The following CNTNAP3B variants were observed in gnomAD, a reference collection of about 807,000 sequenced individuals.
CNTNAP3B encodes contactin associated protein family member 3B, also known as contactin-associated protein-like 3B.
A neutral mutation model predicts 108.9 loss-of-function variants in CNTNAP3B; 25 were observed. The observed-to-expected ratio is 0.23, with a 90% CI of 0.17 to 0.32. CNTNAP3B has a LOEUF of 0.32. CNTNAP3B is among the 10% of genes least tolerant of loss of function. CNTNAP3B has a pLI of 1.00. For missense variants in CNTNAP3B, 252 were observed against 1,210.4 expected, an observed-to-expected ratio of 0.21 and a Z score of 11.75; for synonymous variants, 103 against 473.4, an observed-to-expected ratio of 0.22 and a Z score of 10.16.
chr9:41,931,676 G>C (rs1823981547), intron 14 of CNTNAP3B, among the ~76,000 whole-genome samples: 1 of 150,478 alleles, frequency 6.6e-6, no homozygotes. Context: ...TCACCATTCA[G>C]CTTTAGAGTG....
chr9:42,016,926 T>TAA (rs1826226797), intron 3 of CNTNAP3B, among the ~76,000 whole-genome samples: 1 of 151,726 alleles, frequency 6.6e-6, no homozygotes, highest in African/African-American at 2.4e-5. Context: ...TGTGTGTGTG[T>TAA]GGTGTGTTCA....
intron 13 of CNTNAP3B, among the ~76,000 whole-genome samples, chr9:41,941,440 C>G (rs1381082835): frequency 6.6e-6 from 1 of 151,110 alleles, no homozygotes. Context: ...AATACTAGAA[C>G]AGGGACATTA....
chr9:41,963,135 C>T (rs2118221766), intron 11 of CNTNAP3B, among the ~76,000 whole-genome samples: 1 of 152,408 alleles, frequency 6.6e-6, no homozygotes, highest in South Asian at 2.1e-4. Flanking sequence ...ATTCTCATTG[C>T]ATGTATGAAG....
At chr9:41,947,500 G>C (rs1450484060) in intron 13 of CNTNAP3B, among the ~76,000 whole-genome samples, 1 of 152,178 alleles carries the variant, frequency 6.6e-6, no homozygotes, top group East Asian at 1.9e-4. Context: ...AAATGAAAAT[G>C]AGAATACAAC....
chr9:41,965,132 C>G, intron 10 of CNTNAP3B, among the ~76,000 whole-genome samples: 1 of 152,286 alleles, frequency 6.6e-6, no homozygotes, highest in East Asian at 1.9e-4. Flanking sequence ...TTTAGATTTG[C>G]AATAAGCAGT....
intron 3 of CNTNAP3B, among the ~76,000 whole-genome samples, chr9:42,063,639 G>A (rs1302916588): frequency 5.9e-5 from 8 of 136,246 alleles, no homozygotes; most frequent in Admixed American, 5.1e-4. Context: ...CTGCCTTCCT[G>A]CCTGCCTTTT....
Position 42,125,849 on chromosome 9 carries a change from C to T in CNTNAP3B, c.85+3161G>A, listed in dbSNP as rs1452677343. On this transcript the variant is annotated intron_variant, in intron 1 of 23. Coordinates refer to ENST00000377561, the MANE Select transcript of CNTNAP3B (RefSeq NM_001201380.3). ...TCCAGGCTGGTTTCGAACTCCCGACCTCAAGTGATCCACCCGCCTCAGCCT... is the reference window on the plus strand; with the variant it reads ...TCCAGGCTGGTTTCGAACTCCCGACTTCAAGTGATCCACCCGCCTCAGCCT... Among the ~76,000 whole-genome samples the T allele has an allele frequency of 6.3e-5, 8 of 127,594 alleles. 3 individuals carry two copies. The highest frequency in any genetic ancestry group is 2.5e-4 in the African/African-American group (8 of 31,404). 83.7% of individuals were successfully genotyped at this position (127,594 alleles called of 152,430 possible).
chr9:41,950,524 C>T lies in CNTNAP3B; in HGVS notation c.2080+2659G>A, dbSNP rs895474843. On this transcript the variant is annotated intron_variant, in intron 13 of 23. Transcript: ENST00000377561. ...ATGAGTGAATAAACTCTGGCATATC[C>T]ATGCCACCGATTGCTAATCAGCAAT... 4.3e-4 allele frequency among the ~76,000 whole-genome samples: 48 copies of T among 112,266 alleles called. 1 individual carries two copies. Among genetic ancestry groups the T allele is most frequent in the African/African-American group, 1.5e-3 (46 of 30,106 alleles). 73.7% of individuals were successfully genotyped at this position (112,266 alleles called of 152,430 possible). A position where few individuals can be genotyped will look rare whatever the true frequency, so the allele number is the denominator to read the frequency against.
At chr9:42,088,097 T>C (rs1827741186) in intron 2 of CNTNAP3B, among the ~76,000 whole-genome samples, 1 of 66,892 alleles carries the variant, frequency 1.5e-5, no homozygotes, top group Non-Finnish European at 2.8e-5. Context: ...TATGACTTTT[T>C]GTAAGTTCAA....
chr9:41,953,801 C>T (rs1387709402), intron 12 of CNTNAP3B, among the ~76,000 whole-genome samples: 2 of 152,094 alleles, frequency 1.3e-5, no homozygotes, highest in African/African-American at 4.8e-5. Context: ...CATATTGGGA[C>T]GATGTGACGC....
chr9:41,964,322 T>C (rs1359096557), intron 11 of CNTNAP3B, among the ~76,000 whole-genome samples: 1 of 152,150 alleles, frequency 6.6e-6, no homozygotes, highest in Non-Finnish European at 1.5e-5. Flanking sequence ...TGCCAGTTTC[T>C]TTTTTTCAAT....
rs563595396 is a variant in CNTNAP3B, at chr9:42,042,950, T to G, written c.391-29425A>C. The stretch of plus-strand genomic sequence containing the variant: ...AATTGACTTTTTGCTAGTTTTTGAA[T>G]AGCCCAAAGAAAATGGGATTATATT... On this transcript the variant is annotated intron_variant, in intron 3 of 23. Coordinates refer to ENST00000377561, the MANE Select transcript of CNTNAP3B (RefSeq NM_001201380.3). Among the ~76,000 whole-genome samples, 5 of 148,752 alleles carry G rather than the reference T, an allele frequency of 3.4e-5. No individual in the cohort carries two copies. The South Asian group carries it at 1.1e-3, about 32-fold the overall frequency.
chr9:41,954,934 C>T (rs1245241333), intron 12 of CNTNAP3B, among the ~76,000 whole-genome samples: 3 of 152,054 alleles, frequency 2.0e-5, no homozygotes, highest in African/African-American at 7.2e-5. Flanking sequence ...GATCCACCCG[C>T]CTTGGCCTCC....
At chr9:42,018,412 G>A (rs934394623) in intron 3 of CNTNAP3B, among the ~76,000 whole-genome samples, 2 of 139,068 alleles carry the variant, frequency 1.4e-5, no homozygotes, top group Admixed American at 1.4e-4. Context: ...ATTCCTCACT[G>A]AGGAAGGTGA....
intron 9 of CNTNAP3B, chr9:41,979,944 C>CTTTTTT (rs1214654461): frequency 7.1e-5 from 3 of 42,386 alleles, no homozygotes; most frequent in Non-Finnish European, 1.1e-4. Flanking sequence ...TTGAGGAAAC[C>CTTTTTT]TTTTTTTTTT....
chr9:41,935,469 T>C (rs1824129466), intron 14 of CNTNAP3B, among the ~76,000 whole-genome samples: 2 of 152,298 alleles, frequency 1.3e-5, no homozygotes, highest in Non-Finnish European at 2.9e-5. Flanking sequence ...TAATAAAGAC[T>C]AAGATTTATG....
At chr9:41,913,388 CT>C (rs1200985554) in intron 18 of CNTNAP3B, among the ~76,000 whole-genome samples, 51 of 150,602 alleles carry the variant, frequency 3.4e-4, no homozygotes, top group Non-Finnish European at 6.9e-4. Context: ...CTGCCATTTT[CT>C]TTTTCTTTTT....
chr9:42,077,572 T>C (rs1218387610), intron 2 of CNTNAP3B, among the ~76,000 whole-genome samples: 2 of 131,878 alleles, frequency 1.5e-5, no homozygotes, highest in Middle Eastern at 3.5e-3. Flanking sequence ...TTCTAAAAAG[T>C]TGATTTCACA....
At chr9:42,017,114 G>A (rs1157288147) in intron 3 of CNTNAP3B, among the ~76,000 whole-genome samples, 4 of 143,428 alleles carry the variant, frequency 2.8e-5, no homozygotes, top group Non-Finnish European at 4.6e-5. Flanking sequence ...TGAAATCTGT[G>A]GCTTGGAGTC....
Sources: allele counts gnomAD v4.1 joint callset (sites outside exome capture counted in the v4.1 genomes callset), GRCh38; gene constraint gnomAD v4.1.1; transcripts MANE v1.5; gene names NCBI Gene and HGNC (gene_info 2026-07-23, HGNC 2026-07-21).